Variants in KRT74 observed in about 807,000 individuals in gnomAD.
KRT74 encodes the protein keratin 74, also known as keratin, type II cytoskeletal 74.
KRT74 carries 43 observed loss-of-function variants against 42.7 expected under a neutral mutation model. The observed-to-expected ratio is 1.01, with a 90% CI of 0.79 to 1.30. KRT74 has a LOEUF of 1.30. Ranked by LOEUF, KRT74 falls within the 50% of genes most tolerant of loss-of-function variation. The pLI, the probability that KRT74 is intolerant of heterozygous loss-of-function variation, is 0.00. For synonymous variants in KRT74, 302 were observed against 279.0 expected, an observed-to-expected ratio of 1.08 and a Z score of -0.82; for missense variants, 736 against 689.1, an observed-to-expected ratio of 1.07 and a Z score of -0.76.
Position 52,573,781 on chromosome 12 carries a change from G to A in KRT74, c.-4C>T. The A allele has an allele frequency of 6.2e-7, 1 of 1,610,670 alleles. No individual in the cohort carries two copies. Among genetic ancestry groups the A allele is most frequent in the Non-Finnish European group, 8.5e-7 (1 of 1,177,318 alleles). ...TGATGTTCAGTTGCCGACTCATGGT[G>A]GGAAAGGTTGAGTTGACAGAGCTGG... On this transcript the variant is annotated 5_prime_UTR_variant, in exon 1 of 9. Coordinates refer to ENST00000305620, the MANE Select transcript of KRT74 (RefSeq NM_175053.4).
chr12:52,569,374 G>A (rs1267031552), intron 6 of KRT74: 8 of 346,658 alleles, frequency 2.3e-5, no homozygotes, highest in Middle Eastern at 8.6e-4. Context: ...GCCCCACTCC[G>A]AGAGCAGGAA....
At position 52,573,707 on chromosome 12, in the gene KRT74, G is replaced by C. The variant is rs777863467; in HGVS notation, c.71C>G (p.Pro24Arg). 98 of 1,614,144 alleles carry C rather than the reference G, an allele frequency of 6.1e-5. No individual in the cohort carries two copies. The Admixed American group carries it at 1.6e-3, about 26-fold the overall frequency. ...GNFSVHSAVV[P>R]RKAVGSLASY... ...AGCCAGGCTACCCACAGCCTTCCTT[G>C]GCACCACTGCCGAATGCACACTGAA... The change falls in exon 1 of 9, where the codon CCA becomes CGA. Residue 24 changes from proline to arginine, a missense_variant. Pro to Arg is a moderately radical substitution (Grantham distance 103, BLOSUM62 -2). Coordinates refer to ENST00000305620, the MANE Select transcript of KRT74 (RefSeq NM_175053.4).
chr12:52,570,259 A>G (rs944549696), intron 5 of KRT74, among the ~76,000 whole-genome samples: 21 of 152,214 alleles, frequency 1.4e-4, no homozygotes, highest in African/African-American at 4.8e-4. Flanking sequence ...GGATCAGGAA[A>G]GAGCTACAGG....
chr12:52,572,884 G>C (rs1307239213), intron 1 of KRT74, among the ~76,000 whole-genome samples: 1 of 152,192 alleles, frequency 6.6e-6, no homozygotes, highest in Non-Finnish European at 1.5e-5. Flanking sequence ...CACTCAAGGA[G>C]TTTCCACAGC....
intron 5 of KRT74, among the ~76,000 whole-genome samples, chr12:52,570,270 C>T (rs918802511): frequency 1.3e-5 from 2 of 152,198 alleles, no homozygotes; most frequent in Non-Finnish European, 2.9e-5. Flanking sequence ...GAGCTACAGG[C>T]TTCTCCTTCT....
chr12:52,570,043 T>G, intron 5 of KRT74, 59 bp from the exon 6 acceptor site: 2 of 1,593,096 alleles, frequency 1.3e-6, no homozygotes, highest in Non-Finnish European at 1.7e-6. Flanking sequence ...AAGGGTCCTG[T>G]AAATAAGCCA....
chr12:52,573,710 A>C lies in KRT74; in HGVS notation c.68T>G (p.Val23Gly). The change falls in exon 1 of 9, where the codon GTG becomes GGG. Residue 23 changes from valine (V) to glycine (G), a missense_variant. Coordinates refer to ENST00000305620, the MANE Select transcript of KRT74 (RefSeq NM_175053.4). ...CAGGCTACCCACAGCCTTCCTTGGC[A>C]CCACTGCCGAATGCACACTGAAGTT... ...KGNFSVHSAV[V>G]PRKAVGSLAS... The C allele has an allele frequency of 6.2e-7, 1 of 1,614,112 alleles. No homozygotes were observed. The highest frequency in any genetic ancestry group is 8.5e-7 in the Non-Finnish European group (1 of 1,180,036).
At chr12:52,570,059 G>C in intron 5 of KRT74, 75 bp from the exon 6 acceptor site, 1 of 1,529,550 alleles carries the variant, frequency 6.5e-7, no homozygotes, top group Non-Finnish European at 9.0e-7. Flanking sequence ...AGCCACCCCT[G>C]CCACCCTGGC....
rs1333869960 is a variant in KRT74, at chr12:52,572,562, C to T, written c.577G>A (p.Gly193Ser). 2 of 1,614,062 alleles carry T rather than the reference C, an allele frequency of 1.2e-6. No homozygotes were observed. Among genetic ancestry groups the T allele is most frequent in the Non-Finnish European group, 8.5e-7 (1 of 1,180,046 alleles). Residue 193 changes from glycine to serine, a missense_variant, in exon 2 of 9, where the codon GGC (glycine) becomes AGC (serine). Physicochemically the swap from Gly to Ser is moderately conservative, Grantham distance 56. Coordinates refer to ENST00000305620, the MANE Select transcript of KRT74 (RefSeq NM_175053.4). ...TGCTTCCGCAGGTTGCTGATGTAGC[C>T]CTCAAGGATGGGCTCCAGGTTCTTC... Reference protein sequence around the residue: ...CKKNLEPILEGYISNLRKQLE... With the variant: ...CKKNLEPILESYISNLRKQLE...
chr12:52,571,117 T>C (rs1215493821), intron 4 of KRT74, among the ~76,000 whole-genome samples: 2 of 152,226 alleles, frequency 1.3e-5, no homozygotes, highest in Admixed American at 1.3e-4. Flanking sequence ...TTGTAAGACC[T>C]CACTGGGTTA....
rs1255481515 is a variant in KRT74, at chr12:52,570,698, C to G, written c.979G>C (p.Ala327Pro). The G allele has an allele frequency of 6.2e-7, 1 of 1,614,220 alleles. No homozygotes were observed. The highest frequency in any genetic ancestry group is 1.7e-5 in the Admixed American group (1 of 60,030). The change falls in exon 5 of 9, where the codon GCC becomes CCC. Residue 327 changes from alanine (A) to proline (P), a missense_variant. By Grantham distance (27) the Ala-to-Pro change is conservative. Transcript: ENST00000305620. ...HYEEIALKSK[A>P]EAEALYQTKI... ...GTCTGGTACAGGGCCTCGGCCTCGG[C>G]CTTGCTCTTCAGGGCGATCTCCTCA...
At chr12:52,572,838 T>C (rs1939512013) in intron 1 of KRT74, among the ~76,000 whole-genome samples, 171 bp from the exon 2 acceptor site, 1 of 152,196 alleles carries the variant, frequency 6.6e-6, no homozygotes, top group East Asian at 1.9e-4. Flanking sequence ...CAAGTGCTCA[T>C]TTCCTAGCCT....
Position 52,570,001 on chromosome 12 carries a change from A to G in KRT74, c.1009-17T>C. On this transcript the variant is annotated splice_polypyrimidine_tract_variant and intron_variant, in intron 5 of 8. Transcript: ENST00000305620. ...CTCCTGGATCTGGTTTCCCAGAGATAGGAAGTTGGTGATGAGACAAGGGCA... is the reference window on the plus strand; with the variant it reads ...CTCCTGGATCTGGTTTCCCAGAGATGGGAAGTTGGTGATGAGACAAGGGCA... 2 of 1,613,916 alleles carry G rather than the reference A, an allele frequency of 1.2e-6. No homozygotes were observed. Among genetic ancestry groups the G allele is most frequent in the Non-Finnish European group, 8.5e-7 (1 of 1,180,008 alleles).
At position 52,566,535 on chromosome 12, in the gene KRT74, C is replaced by G. The variant is rs1592211261; in HGVS notation, c.*434G>C. On this transcript the variant is annotated 3_prime_UTR_variant, in exon 9 of 9. Transcript: ENST00000305620. ...TAAAGGCTGTCTAACTTCTCACCAC[C>G]TGCTTACAGGTCTCGTGTCACCCCA... The G allele has an allele frequency of 1.2e-5, 2 of 163,984 alleles. No individual in the cohort carries two copies. Among genetic ancestry groups the G allele is most frequent in the African/African-American group, 2.4e-5 (1 of 41,984 alleles). 10.2% of individuals were successfully genotyped at this position (163,984 alleles called of 1,614,324 possible). A position where few individuals can be genotyped will look rare whatever the true frequency, so the allele number is the denominator to read the frequency against.
rs1939411683 is a variant in KRT74 at position 52,568,152 on chromosome 12, C to G, written c.1355+17G>C. On this transcript the variant is annotated intron_variant, in intron 7 of 8. Transcript: ENST00000305620. The stretch of plus-strand genomic sequence containing the variant: ...CACCCCAGTCCCTTCTCACACTTTC[C>G]CCTCCACCCCACCTACCTGCACTCC... The G allele has an allele frequency of 6.2e-7, 1 of 1,613,894 alleles. No homozygotes were observed. The highest frequency in any genetic ancestry group is 8.5e-7 in the Non-Finnish European group (1 of 1,179,894).
Position 52,570,087 on chromosome 12 carries a change from G to A in KRT74, c.1009-103C>T, listed in dbSNP as rs547206446. The stretch of plus-strand genomic sequence containing the variant: ...ACCCTGGCTGTCGGTGGGATTTAAC[G>A]GAACTGAAGAGGAGTGCTGGGACAG... On this transcript the variant is annotated intron_variant, in intron 5 of 8. Transcript: ENST00000305620. The A allele has an allele frequency of 2.4e-4, 325 of 1,361,270 alleles. No individual in the cohort carries two copies. The African/African-American group carries it at 3.3e-3, about 14-fold the overall frequency. The allele number at this position is 1,361,270 out of a possible 1,614,324, so 84.3% of individuals were successfully genotyped here. A position where few individuals can be genotyped will look rare whatever the true frequency, so the allele number is the denominator to read the frequency against.
chr12:52,566,917 G>C lies in KRT74; in HGVS notation c.*52C>G. On this transcript the variant is annotated 3_prime_UTR_variant, in exon 9 of 9. Transcript: ENST00000305620. ...CTTGGGTGTGGCAGACACCTTTGGGGGTGGCAAAGTCACCTCTTCTTCCAA... is the reference window on the plus strand; with the variant it reads ...CTTGGGTGTGGCAGACACCTTTGGGCGTGGCAAAGTCACCTCTTCTTCCAA... The C allele has an allele frequency of 2.0e-6, 3 of 1,526,700 alleles. No homozygotes were observed. Among genetic ancestry groups the C allele is most frequent in the East Asian group, 2.3e-5 (1 of 44,138 alleles). 94.6% of individuals were successfully genotyped at this position (1,526,700 alleles called of 1,614,324 possible). A position where few individuals can be genotyped will look rare whatever the true frequency, so the allele number is the denominator to read the frequency against.
Position 52,570,778 on chromosome 12 carries a change from T to C in KRT74, c.899A>G (p.Asp300Gly), listed in dbSNP as rs748692853. Residue 300 changes from aspartate to glycine, a missense_variant, in exon 5 of 9, where the codon GAC (aspartate) becomes GGC (glycine). Transcript: ENST00000305620. ...GTCAAGGTCCAGGTCCCGGTTGTTG[T>C]CCATGGACAGGATGACAGAGGTCTC... ...ASETSVILSMDNNRDLDLDSI... is the reference protein window; with the variant it reads ...ASETSVILSMGNNRDLDLDSI... The C allele has an allele frequency of 1.9e-6, 3 of 1,614,242 alleles. No individual in the cohort carries two copies. Among genetic ancestry groups the C allele is most frequent in the Non-Finnish European group, 2.5e-6 (3 of 1,180,032 alleles).
intron 3 of KRT74, 40 bp downstream of exon 3, chr12:52,571,904 G>T (rs1013149655): frequency 6.2e-6 from 8 of 1,299,676 alleles, no homozygotes; most frequent in East Asian, 2.3e-5. Flanking sequence ...TAAGATGGGG[G>T]TGCGAGAGAC....
Sources: allele counts gnomAD v4.1 joint callset (sites outside exome capture counted in the v4.1 genomes callset), GRCh38; gene constraint gnomAD v4.1.1; transcripts MANE v1.5; gene names NCBI Gene and HGNC (gene_info 2026-07-23, HGNC 2026-07-21).